The following CBLB variants were observed in gnomAD, a reference collection of about 807,000 sequenced individuals.
CBLB encodes the protein Cbl proto-oncogene B, also known as E3 ubiquitin-protein ligase CBL-B.
A neutral mutation model predicts 104.9 loss-of-function variants in CBLB; 31 were observed. The ratio of observed to expected loss-of-function variants is 0.30; its 90% CI spans 0.22 to 0.40. The LOEUF (loss-of-function observed/expected upper bound fraction) is 0.40, where lower values mean the gene tolerates loss of function less well. CBLB is among the 10% of genes least tolerant of loss of function. CBLB has a pLI of 1.00. For missense variants in CBLB, 1,062 were observed against 1,214.6 expected, an observed-to-expected ratio of 0.87 and a Z score of 1.87; for synonymous variants, 440 against 422.6, an observed-to-expected ratio of 1.04 and a Z score of -0.51.
chr3:105,776,856 T>C (rs2079542308), intron 3 of CBLB, among the ~76,000 whole-genome samples: 1 of 152,048 alleles, frequency 6.6e-6, no homozygotes. Context: ...AAAAAATTAA[T>C]AATCAAATAT....
intron 10 of CBLB, among the ~76,000 whole-genome samples, chr3:105,715,562 T>A (rs1230935857): frequency 6.6e-6 from 1 of 152,168 alleles, no homozygotes; most frequent in Non-Finnish European, 1.5e-5. Context: ...ATTACTCATT[T>A]AAAGAATGTA....
intron 8 of CBLB, among the ~76,000 whole-genome samples, chr3:105,736,054 A>C (rs2074900174): frequency 1.3e-5 from 2 of 152,316 alleles, no homozygotes; most frequent in South Asian, 4.1e-4. Flanking sequence ...TGGGAAAGGA[A>C]ATCTGGAGAA....
At chr3:105,665,766 C>T (rs1407173158) in intron 18 of CBLB, among the ~76,000 whole-genome samples, 1 of 151,004 alleles carries the variant, frequency 6.6e-6, no homozygotes, top group Non-Finnish European at 1.5e-5. Flanking sequence ...CGTGGTGACT[C>T]ATGCCTGTAA....
chr3:105,726,279 C>A (rs1014799353), intron 9 of CBLB, among the ~76,000 whole-genome samples: 3 of 152,174 alleles, frequency 2.0e-5, no homozygotes, highest in Admixed American at 1.3e-4. Context: ...AATCATATTC[C>A]ACATTAAAAT....
chr3:105,803,235 GAAT>G (rs1248057465), intron 3 of CBLB, among the ~76,000 whole-genome samples: 1 of 152,172 alleles, frequency 6.6e-6, no homozygotes, highest in Non-Finnish European at 1.5e-5. Context: ...ACAATTTGTA[GAAT>G]AATTATGGAA....
chr3:105,753,947 CT>C (rs909688003), intron 4 of CBLB, among the ~76,000 whole-genome samples: 3 of 152,066 alleles, frequency 2.0e-5, no homozygotes, highest in African/African-American at 7.2e-5. Flanking sequence ...GTAAATGAAA[CT>C]TTGTCAGATT....
At chr3:105,700,512 CAG>C (rs2068943737) in intron 12 of CBLB, among the ~76,000 whole-genome samples, 1 of 151,476 alleles carries the variant, frequency 6.6e-6, no homozygotes, top group Non-Finnish European at 1.5e-5. Context: ...AAATGAATGG[CAG>C]GTCCTTCCAA....
chr3:105,682,440 C>T (rs1030144894), intron 14 of CBLB, among the ~76,000 whole-genome samples: 5 of 152,132 alleles, frequency 3.3e-5, no homozygotes, highest in African/African-American at 9.7e-5. Flanking sequence ...CTTGGGTACA[C>T]GACAAGTACA....
intron 6 of CBLB, among the ~76,000 whole-genome samples, chr3:105,745,535 G>A (rs2076020811): frequency 6.6e-6 from 1 of 152,140 alleles, no homozygotes; most frequent in Admixed American, 6.6e-5. Flanking sequence ...GCATGTATAT[G>A]TACTTATATT....
chr3:105,740,030 G>A (rs574469989), intron 7 of CBLB, among the ~76,000 whole-genome samples: 1 of 152,326 alleles, frequency 6.6e-6, no homozygotes, highest in East Asian at 1.9e-4. Flanking sequence ...TTGAACCCAG[G>A]AGGCGGAGGT....
chr3:105,712,188 G>GT (rs1310711941), intron 10 of CBLB, among the ~76,000 whole-genome samples: 2 of 152,042 alleles, frequency 1.3e-5, no homozygotes, highest in South Asian at 2.1e-4. Flanking sequence ...TTTCTTTAAA[G>GT]TTTTGTATTT....
intron 3 of CBLB, among the ~76,000 whole-genome samples, chr3:105,838,860 G>C (rs1430318341): frequency 2.0e-5 from 3 of 151,966 alleles, no homozygotes; most frequent in Non-Finnish European, 2.9e-5. Flanking sequence ...GGATGGTCTT[G>C]ATCTCCTGAC....
intron 6 of CBLB, among the ~76,000 whole-genome samples, chr3:105,741,587 G>A (rs986145489): frequency 2.0e-5 from 3 of 152,170 alleles, no homozygotes; most frequent in Non-Finnish European, 4.4e-5. Context: ...TAGTAGAGAT[G>A]GGGTTCACCG....
At chr3:105,796,033 T>G (rs991850398) in intron 3 of CBLB, among the ~76,000 whole-genome samples, 17 of 152,184 alleles carry the variant, frequency 1.1e-4, no homozygotes, top group African/African-American at 3.9e-4. Context: ...ACACCGTGAT[T>G]TTTTAAAAAT....
rs35312427 is a variant in CBLB at position 105,658,392 on chromosome 3, C to CT, written c.*577dup. The CT allele has an allele frequency of 6.7e-3, 1,387 of 206,086 alleles. 2 individuals are homozygous for CT. Among genetic ancestry groups the CT allele is most frequent in the Middle Eastern group, 0.022 (14 of 636 alleles). 12.8% of individuals were successfully genotyped at this position (206,086 alleles called of 1,614,324 possible). Reference sequence around the variant, plus strand: ...GAAACTCAGTAGTGAAGAATACATACTTTTTTTTTTTTGCATTAGTTTGAT... The same window carrying CT: ...GAAACTCAGTAGTGAAGAATACATACTTTTTTTTTTTTTGCATTAGTTTGAT... On this transcript the variant is annotated 3_prime_UTR_variant, in exon 19 of 19. Transcript: ENST00000394030.
rs1447088126 is a variant in CBLB, at chr3:105,720,297, G to A, written c.1204-47C>T. 2.7e-6 allele frequency: 4 copies of A among 1,508,196 alleles called. No individual in the cohort carries two copies. The East Asian group carries it at 6.9e-5, about 26-fold the overall frequency. The allele number at this position is 1,508,196 out of a possible 1,614,324, so 93.4% of individuals were successfully genotyped here. On this transcript the variant is annotated intron_variant, in intron 9 of 18. Coordinates refer to ENST00000394030, the MANE Select transcript of CBLB (RefSeq NM_170662.5). ...GGATTGGTTTTGTTCAAAATAAACA[G>A]TACCGAGAAATGCTAATAATGTTCT...
intron 9 of CBLB, among the ~76,000 whole-genome samples, chr3:105,727,429 T>C (rs1271409159): frequency 3.3e-5 from 5 of 152,238 alleles, no homozygotes; most frequent in African/African-American, 4.8e-5. Context: ...TTAAGTTCCT[T>C]GTAGATTATG....
At chr3:105,678,235 T>C (rs1294625020) in intron 17 of CBLB, among the ~76,000 whole-genome samples, 196 bp downstream of exon 17, 4 of 152,174 alleles carry the variant, frequency 2.6e-5, no homozygotes, top group African/African-American at 9.7e-5. Flanking sequence ...GCTCTTTCCA[T>C]CTCTGTAATT....
rs139961029 is a variant in CBLB at position 105,768,229 on chromosome 3, G to A, written c.566+8167C>T. Among the ~76,000 whole-genome samples, 353 of 152,296 alleles carry A rather than the reference G, an allele frequency of 2.3e-3. 3 individuals are homozygous for A. The Middle Eastern group carries it at 0.034, about 15-fold the overall frequency. On this transcript the variant is annotated intron_variant, in intron 4 of 18. Coordinates refer to ENST00000394030, the MANE Select transcript of CBLB (RefSeq NM_170662.5). ...GCCAGAGCTTAGCGAAGTTTAAGAAGAGATCTAGTAATAACACTAATGGGA... is the reference window on the plus strand; with the variant it reads ...GCCAGAGCTTAGCGAAGTTTAAGAAAAGATCTAGTAATAACACTAATGGGA...
Sources: allele counts gnomAD v4.1 joint callset (sites outside exome capture counted in the v4.1 genomes callset), GRCh38; gene constraint gnomAD v4.1.1; transcripts MANE v1.5; gene names NCBI Gene and HGNC (gene_info 2026-07-23, HGNC 2026-07-21).